Variants in CFAP95 observed in about 807,000 individuals in gnomAD.
CFAP95 encodes the protein cilia and flagella associated protein 95, also known as cilia- and flagella-associated protein 95.
chr9:69,897,534 A>G, the CFAP95 span, among the ~76,000 whole-genome samples: 20 of 152,206 alleles, frequency 1.3e-4, no homozygotes, highest in African/African-American at 3.6e-4. Context: ...AAATAAAACT[A>G]TCAGAAATGA....
the CFAP95 span, among the ~76,000 whole-genome samples, chr9:69,839,153 T>C: frequency 1.3e-5 from 1 of 79,352 alleles, no homozygotes; most frequent in South Asian, 5.3e-4. Flanking sequence ...TTATTGAGGA[T>C]TTTTGCATCA....
the CFAP95 span, among the ~76,000 whole-genome samples, chr9:69,903,327 A>C: frequency 1.9e-3 from 289 of 152,320 alleles, no homozygotes; most frequent in Admixed American, 3.5e-3. Flanking sequence ...TGAACCTATT[A>C]CTGTCATTGA....
the CFAP95 span, among the ~76,000 whole-genome samples, chr9:69,853,143 C>T: frequency 6.6e-6 from 1 of 152,214 alleles, no homozygotes; most frequent in Non-Finnish European, 1.5e-5. Flanking sequence ...TGGGGATTAT[C>T]TAAAATGAAT....
At chr9:69,888,118 A>G in the CFAP95 span, among the ~76,000 whole-genome samples, 9 of 152,240 alleles carry the variant, frequency 5.9e-5, no homozygotes, top group African/African-American at 1.9e-4. Flanking sequence ...TTATAAGTTT[A>G]ATATAATGAA....
At chr9:69,882,536 G>A in the CFAP95 span, among the ~76,000 whole-genome samples, 10 of 152,134 alleles carry the variant, frequency 6.6e-5, no homozygotes, top group Non-Finnish European at 1.5e-5. Flanking sequence ...GATTTTATAG[G>A]AAAGGCTTTC....
chr9:69,840,919 T>C, the CFAP95 span, among the ~76,000 whole-genome samples: 3 of 151,776 alleles, frequency 2.0e-5, no homozygotes, highest in African/African-American at 7.3e-5. Flanking sequence ...TATGGATTCA[T>C]GGTTTTAATG....
the CFAP95 span, among the ~76,000 whole-genome samples, chr9:69,838,122 T>G: frequency 4.0e-3 from 607 of 152,314 alleles, 3 homozygotes; most frequent in African/African-American, 0.013. Flanking sequence ...CCATGCTGTT[T>G]TGGTGACTGT....
the CFAP95 span, among the ~76,000 whole-genome samples, chr9:69,860,811 G>A: frequency 4.6e-5 from 7 of 151,986 alleles, no homozygotes; most frequent in East Asian, 1.2e-3. Flanking sequence ...CACAGGGTCC[G>A]GATCATCAAT....
At chr9:69,836,280 T>A in the CFAP95 span, among the ~76,000 whole-genome samples, 1 of 152,024 alleles carries the variant, frequency 6.6e-6, no homozygotes, top group Non-Finnish European at 1.5e-5. Flanking sequence ...GGTGCAACTG[T>A]TCTCTAGGGC....
chr9:69,884,729 C>T, the CFAP95 span: 2 of 151,660 alleles, frequency 1.3e-5, no homozygotes, highest in Admixed American at 6.6e-5. Flanking sequence ...TAGGCTTAAC[C>T]CCTTTATTTT....
the CFAP95 span, among the ~76,000 whole-genome samples, chr9:69,896,986 G>A: frequency 3.9e-5 from 6 of 152,088 alleles, no homozygotes; most frequent in African/African-American, 1.4e-4. Flanking sequence ...ATCCCCCATT[G>A]GTCCCCAGGG....
the CFAP95 span, among the ~76,000 whole-genome samples, chr9:69,827,286 G>A: frequency 6.6e-6 from 1 of 152,176 alleles, no homozygotes; most frequent in South Asian, 2.1e-4. Context: ...AGTAGGCTAA[G>A]AACATGGAAA....
the CFAP95 span, among the ~76,000 whole-genome samples, chr9:69,883,547 T>G: frequency 6.6e-6 from 1 of 152,210 alleles, no homozygotes; most frequent in Non-Finnish European, 1.5e-5. Flanking sequence ...TTGTCCAAGA[T>G]GGCGACGCTC....
chr9:69,872,454 A>C, the CFAP95 span, among the ~76,000 whole-genome samples: 1 of 152,208 alleles, frequency 6.6e-6, no homozygotes, highest in Non-Finnish European at 1.5e-5. Flanking sequence ...GTTTAAATGC[A>C]GAGTGGTTAA....
the CFAP95 span, among the ~76,000 whole-genome samples, chr9:69,882,198 T>C: frequency 6.6e-6 from 1 of 152,126 alleles, no homozygotes; most frequent in Admixed American, 6.5e-5. Context: ...CCCAGGCTGG[T>C]CTTGAACTCC....
chr9:69,843,630 CCTCCTCCTCCTCCTTCT>C, the CFAP95 span, among the ~76,000 whole-genome samples: 1 of 52,886 alleles, frequency 1.9e-5, no homozygotes, highest in East Asian at 8.5e-4. Context: ...TCTTCTTCTT[CCTCCTCCTCCTCCTTCT>C]TTCTTCTTCT....
At chr9:69,897,605 C>T in the CFAP95 span, among the ~76,000 whole-genome samples, 1 of 151,932 alleles carries the variant, frequency 6.6e-6, no homozygotes, top group Admixed American at 6.6e-5. Context: ...GAATAGCCTA[C>T]CAGAAGATTG....
the CFAP95 span, among the ~76,000 whole-genome samples, chr9:69,835,292 A>G: frequency 6.6e-6 from 1 of 152,218 alleles, no homozygotes; most frequent in African/African-American, 2.4e-5. Context: ...TGAAATCTGC[A>G]AAGAAAAGTG....
the CFAP95 span, among the ~76,000 whole-genome samples, chr9:69,878,997 G>A: frequency 3.7e-4 from 56 of 152,122 alleles, 1 homozygote; most frequent in Non-Finnish European, 2.1e-4. Flanking sequence ...CAGATAGTGC[G>A]AGAACTCACT....
Sources: gnomAD v4.1 joint callset for allele counts (sites outside exome capture counted in the v4.1 genomes callset) on GRCh38, gnomAD v4.1.1 for gene constraint, MANE v1.5 for transcripts, NCBI Gene and HGNC (gene_info 2026-07-23, HGNC 2026-07-21) for gene names.